Variants in WDR43 observed in about 807,000 individuals in gnomAD.
WDR43 encodes the protein WD repeat domain 43.
A neutral mutation model predicts 91.4 loss-of-function variants in WDR43; 13 were observed. The ratio of observed to expected loss-of-function variants is 0.14; its 90% CI spans 0.09 to 0.23. The LOEUF (loss-of-function observed/expected upper bound fraction) is 0.23, where lower values mean the gene tolerates loss of function less well. Ranked by LOEUF, WDR43 falls within the 10% of genes least tolerant of loss-of-function variation. WDR43 has a pLI of 1.00. For missense variants in WDR43, 780 were observed against 809.4 expected (o/e 0.96, Z 0.44); for synonymous variants, 331 against 287.9 (o/e 1.15, Z -1.51).
chr2:28,921,392 C>T (rs1671023539), intron 6 of WDR43, among the ~76,000 whole-genome samples: 1 of 152,110 alleles, frequency 6.6e-6, no homozygotes, highest in African/African-American at 2.4e-5. Flanking sequence ...TCCCAAAGTG[C>T]TGGGTTTACA....
At chr2:28,922,720 T>A (rs963595722) in intron 6 of WDR43, among the ~76,000 whole-genome samples, 199 bp from the exon 7 acceptor site, 2 of 152,228 alleles carry the variant, frequency 1.3e-5, no homozygotes, top group South Asian at 2.1e-4. Flanking sequence ...GCTTAAACAT[T>A]TATCTAGAAT....
intron 7 of WDR43, among the ~76,000 whole-genome samples, chr2:28,923,686 A>G (rs1246431065): frequency 6.6e-6 from 1 of 152,158 alleles, no homozygotes; most frequent in Admixed American, 6.5e-5. Flanking sequence ...CAAACACTTG[A>G]TTTTAAAACC....
At chr2:28,927,529 T>C in intron 9 of WDR43, 40 bp from the exon 10 acceptor site, 1 of 1,608,492 alleles carries the variant, frequency 6.2e-7, no homozygotes, top group South Asian at 1.1e-5. Flanking sequence ...GACTAAGGTA[T>C]GATTTCCTTT....
At chr2:28,921,768 G>T (rs955759711) in intron 6 of WDR43, among the ~76,000 whole-genome samples, 2 of 152,150 alleles carry the variant, frequency 1.3e-5, no homozygotes, top group African/African-American at 4.8e-5. Context: ...CTGGAGTGCA[G>T]TGGTGCCATC....
chr2:28,922,144 CACA>C lies in WDR43; in HGVS notation c.850-770_850-768del, dbSNP rs532324391. Among the ~76,000 whole-genome samples the C allele has an allele frequency of 1.3e-3, 201 of 152,296 alleles. 1 individual carries two copies. The highest frequency in any genetic ancestry group is 2.4e-3 in the Non-Finnish European group (160 of 68,020). ...TTTAAACATTTTCAAAGTTGTTTTTCACAACAAAAGTTAGTCTCTTTTTTCTAG... is the reference window on the plus strand; with the variant it reads ...TTTAAACATTTTCAAAGTTGTTTTTCACAAAAGTTAGTCTCTTTTTTCTAG... On this transcript the variant is annotated intron_variant, in intron 6 of 17. Transcript: ENST00000407426.
intron 7 of WDR43, among the ~76,000 whole-genome samples, chr2:28,923,455 T>G (rs1671075223): frequency 6.6e-6 from 1 of 152,200 alleles, no homozygotes; most frequent in Non-Finnish European, 1.5e-5. Flanking sequence ...CTGAAATTTT[T>G]ATTATTTTGC....
At chr2:28,931,339 C>T (rs1015006965) in intron 11 of WDR43, among the ~76,000 whole-genome samples, 1 of 152,232 alleles carries the variant, frequency 6.6e-6, no homozygotes, top group African/African-American at 2.4e-5. Flanking sequence ...CTTGGCCTCC[C>T]AAAGTCCTGG....
chr2:28,941,605 C>T (rs779071273), intron 15 of WDR43, 31 bp downstream of exon 15: 8 of 1,519,250 alleles, frequency 5.3e-6, no homozygotes, highest in Non-Finnish European at 7.2e-6. Context: ...TGGGCTAAAA[C>T]TTTTGGACAT....
At chr2:28,927,021 G>C (rs771645275) in intron 9 of WDR43, 3 of 517,186 alleles carry the variant, frequency 5.8e-6, no homozygotes, top group South Asian at 4.2e-5. Flanking sequence ...GTGTCTACAT[G>C]TAGGGGACGT....
rs1670682037 is a variant in WDR43 at position 28,906,446 on chromosome 2, T to G, written c.364-14T>G. The G allele has an allele frequency of 9.9e-6, 15 of 1,518,608 alleles. No homozygotes were observed. Among genetic ancestry groups the G allele is most frequent in the Non-Finnish European group, 1.3e-5 (15 of 1,137,618 alleles). 94.1% of individuals were successfully genotyped at this position (1,518,608 alleles called of 1,614,324 possible). Reference sequence around the variant, plus strand: ...AGACCAGCCTTAAATTTTTTTTTTTTTTTTAATCTACAGAGTGGTGGACAT... The same window carrying G: ...AGACCAGCCTTAAATTTTTTTTTTTGTTTTAATCTACAGAGTGGTGGACAT... On this transcript the variant is annotated splice_polypyrimidine_tract_variant and intron_variant, in intron 2 of 17. Coordinates refer to ENST00000407426, the MANE Select transcript of WDR43 (RefSeq NM_015131.3).
Position 28,914,110 on chromosome 2 carries a change from C to T in WDR43, c.648C>T (p.Phe216=), listed in dbSNP as rs1558373341. The part of the protein sequence containing the change: ...GHATPVSSLM[F]TTIRPPNESQ... Reference sequence around the variant, plus strand: ...CAACGCCAGTTTCGTCACTGATGTTCACTACCATCAGACCTCCTAATGAGA... The same window carrying T: ...CAACGCCAGTTTCGTCACTGATGTTTACTACCATCAGACCTCCTAATGAGA... The change falls in exon 5 of 18, where the codon TTC becomes TTT. Residue 216 remains phenylalanine, a synonymous_variant. Coordinates refer to ENST00000407426, the MANE Select transcript of WDR43 (RefSeq NM_015131.3). 6.2e-7 allele frequency: 1 copy of T among 1,613,896 alleles called. No homozygotes were observed. The highest frequency in any genetic ancestry group is 8.5e-7 in the Non-Finnish European group (1 of 1,179,836).
At chr2:28,919,512 C>T (rs980355387) in intron 6 of WDR43, among the ~76,000 whole-genome samples, 7 of 151,962 alleles carry the variant, frequency 4.6e-5, no homozygotes, top group Admixed American at 6.5e-5. Context: ...AAAAATTAGC[C>T]GGGGCTGGTG....
At chr2:28,946,299 A>AT in intron 16 of WDR43, 151 bp from the exon 17 acceptor site, 1 of 877,496 alleles carries the variant, frequency 1.1e-6, no homozygotes, top group Non-Finnish European at 1.6e-6. Flanking sequence ...AAAAAAAAAA[A>AT]TAATAAAATA....
At chr2:28,940,796 T>C (rs1440617462) in intron 14 of WDR43, among the ~76,000 whole-genome samples, 3 of 152,204 alleles carry the variant, frequency 2.0e-5, no homozygotes, top group African/African-American at 7.2e-5. Context: ...TATTCCTCAG[T>C]GAACCTGGAG....
At position 28,946,953 on chromosome 2, in the gene WDR43, G is replaced by A. The variant is rs879571050; in HGVS notation, c.*174G>A. On this transcript the variant is annotated 3_prime_UTR_variant, in exon 18 of 18. Coordinates refer to ENST00000407426, the MANE Select transcript of WDR43 (RefSeq NM_015131.3). ...CCCAGACTTGACTGTGTAAATAAGA[G>A]TGTTTCATTCAAATGTTAATAAACT... The A allele has an allele frequency of 3.8e-5, 24 of 633,346 alleles. No individual in the cohort carries two copies. The African/African-American group carries it at 3.9e-4, about 10-fold the overall frequency. The allele number at this position is 633,346 out of a possible 1,614,324, so 39.2% of individuals were successfully genotyped here.
chr2:28,895,138 G>C, intron 1 of WDR43: 1 of 395,354 alleles, frequency 2.5e-6, no homozygotes, highest in Non-Finnish European at 4.3e-6. Context: ...GACCCGGCCG[G>C]CCTCGTATCC....
chr2:28,942,113 A>G (rs1362041326), intron 15 of WDR43, among the ~76,000 whole-genome samples, 199 bp from the exon 16 acceptor site: 2 of 152,110 alleles, frequency 1.3e-5, no homozygotes, highest in Non-Finnish European at 2.9e-5. Context: ...ATCACCTCAG[A>G]GTTTTTCAGC....
intron 3 of WDR43, among the ~76,000 whole-genome samples, chr2:28,908,497 T>G (rs1424639209): frequency 6.6e-6 from 1 of 152,178 alleles, no homozygotes; most frequent in Non-Finnish European, 1.5e-5. Flanking sequence ...GTTACTGTAT[T>G]CTGGATGAGA....
intron 9 of WDR43, chr2:28,927,233 C>T (rs917339248): frequency 1.6e-5 from 8 of 501,246 alleles, no homozygotes; most frequent in African/African-American, 1.4e-4. Context: ...TTTATGTAAT[C>T]TGTAGTTTTT....
Sources: gnomAD v4.1 joint callset for allele counts (sites outside exome capture counted in the v4.1 genomes callset) on GRCh38, gnomAD v4.1.1 for gene constraint, MANE v1.5 for transcripts, NCBI Gene and HGNC (gene_info 2026-07-23, HGNC 2026-07-21) for gene names.